The following DNA2 variants were observed in gnomAD, a reference collection of about 807,000 sequenced individuals.
DNA2 encodes the protein DNA replication helicase/nuclease 2.
Under a neutral mutation model 119.1 loss-of-function variants are expected in DNA2, and 101 were observed. The observed-to-expected ratio is 0.85, with a 90% CI of 0.72 to 1.00. DNA2 has a LOEUF of 1.00. Among genes scored for constraint, DNA2 ranks in the 50% least tolerant of loss-of-function variants. DNA2 has a pLI of 0.00. For missense variants in DNA2, 1,121 were observed against 1,255.5 expected, an observed-to-expected ratio of 0.89 and a Z score of 1.62; for synonymous variants, 366 against 424.4, an observed-to-expected ratio of 0.86 and a Z score of 1.69.
At chr10:68,446,189 T>A (rs1465103863) in intron 7 of DNA2, 107 bp downstream of exon 7, 8 of 624,754 alleles carry the variant, frequency 1.3e-5, no homozygotes, top group African/African-American at 3.7e-5. Context: ...CTACAAATTA[T>A]AACCTATTAA....
intron 8 of DNA2, among the ~76,000 whole-genome samples, chr10:68,443,978 A>G (rs2052003812): frequency 6.6e-6 from 1 of 151,798 alleles, no homozygotes; most frequent in South Asian, 2.1e-4. Flanking sequence ...GTATTTCGGC[A>G]TAGTGCAGTG....
rs1254869042 is a variant in DNA2, at chr10:68,446,406, A to G, written c.947T>C (p.Leu316Pro). The G allele has an allele frequency of 1.3e-6, 2 of 1,573,732 alleles. No homozygotes were observed. Among genetic ancestry groups the G allele is most frequent in the African/African-American group, 2.7e-5 (2 of 73,988 alleles). Reference protein sequence around the residue: ...NSIEHRSQVVLYTLLSQERRA... With the variant: ...NSIEHRSQVVPYTLLSQERRA... ...TCTCTCTTGGCTTAGTAGAGTGTAC[A>G]GAACAACCTGTGCAAACATTGACAT... Residue 316 changes from leucine (L) to proline (P), a missense_variant, in exon 7 of 21, where the codon CTG becomes CCG. Transcript: ENST00000358410.
chr10:68,437,488 T>A lies in DNA2; in HGVS notation c.1416-247A>T, dbSNP rs10998164. 8.7e-5 allele frequency among the ~76,000 whole-genome samples: 13 copies of A among 149,570 alleles called. No individual in the cohort carries two copies. The highest frequency in any genetic ancestry group is 6.0e-4 in the East Asian group (3 of 5,040). On this transcript the variant is annotated intron_variant, in intron 9 of 20. Coordinates refer to ENST00000358410, the MANE Select transcript of DNA2 (RefSeq NM_001080449.3). ...CCTATCTCTACTAAAAAAAAAAAAA[T>A]AAAAATAAAAAATTAGCCAGGTGTG...
intron 9 of DNA2, among the ~76,000 whole-genome samples, chr10:68,440,725 A>G (rs2051956988): frequency 6.6e-6 from 1 of 152,206 alleles, no homozygotes; most frequent in South Asian, 2.1e-4. Context: ...TCTATCCACA[A>G]TTACATAAAC....
intron 14 of DNA2, among the ~76,000 whole-genome samples, chr10:68,425,647 T>C (rs1173482232): frequency 6.6e-6 from 1 of 151,474 alleles, no homozygotes; most frequent in Non-Finnish European, 1.5e-5. Context: ...GTGATCCGCC[T>C]GCCTCGGCCT....
Position 68,468,230 on chromosome 10 carries a change from T to A in DNA2, c.334A>T (p.Lys112Ter). ...TACAGAATCAAATATCCAAAATCTT[T>A]ATCTATTATCCAAGTGTCAGATGTG... ...DCTSDTWIIDKDFGYLILYPD... is the reference protein window; with the variant it reads ...DCTSDTWIID Residue 112 changes from lysine to a stop codon, truncating the protein, a stop_gained, in exon 3 of 21, where the codon AAA becomes TAA. Coordinates refer to ENST00000358410, the MANE Select transcript of DNA2 (RefSeq NM_001080449.3). LOFTEE classifies it high-confidence loss of function. 1.2e-6 allele frequency: 2 copies of A among 1,612,554 alleles called. No individual in the cohort carries two copies. The highest frequency in any genetic ancestry group is 2.7e-5 in the African/African-American group (2 of 75,030).
At chr10:68,471,678 C>CG in intron 1 of DNA2, 113 bp downstream of exon 1, 1 of 1,338,286 alleles carries the variant, frequency 7.5e-7, no homozygotes, top group Non-Finnish European at 9.9e-7. Context: ...GGAGCTGCAC[C>CG]GGGTCCCTGG....
Position 68,422,744 on chromosome 10 carries a change from C to A in DNA2, c.2355G>T (p.Val785=), listed in dbSNP as rs762929606. Residue 785 remains valine (V), a synonymous_variant, in exon 15 of 21, where the codon GTG becomes GTT. Transcript: ENST00000358410. ...GGGGAGGAAGCTGCTGATGGTCCCC[C>A]ACTAACACAAATCTCCGTGAAAAAA... ...PLFFSRRFVL[V]GDHQQLPPLV... 5 of 1,612,016 alleles carry A rather than the reference C, an allele frequency of 3.1e-6. No individual in the cohort carries two copies. The highest frequency in any genetic ancestry group is 3.4e-6 in the Non-Finnish European group (4 of 1,179,474).
Position 68,422,760 on chromosome 10 carries a change from C to T in DNA2, c.2339G>A (p.Arg780Gln), listed in dbSNP as rs774303899. 44 of 1,605,406 alleles carry T rather than the reference C, an allele frequency of 2.7e-5. No individual in the cohort carries two copies. Among genetic ancestry groups the T allele is most frequent in the Middle Eastern group, 1.7e-4 (1 of 6,014 alleles). The change falls in exon 15 of 21, where the codon CGG becomes CAG. Residue 780 changes from arginine (R) to glutamine (Q), a missense_variant. Physicochemically the swap from Arg to Gln is conservative, Grantham distance 43. Coordinates refer to ENST00000358410, the MANE Select transcript of DNA2 (RefSeq NM_001080449.3). Reference sequence around the variant, plus strand: ...ATGGTCCCCCACTAACACAAATCTCCGTGAAAAAAAAAGGGGGCCCAGACA... The same window carrying T: ...ATGGTCCCCCACTAACACAAATCTCTGTGAAAAAAAAAGGGGGCCCAGACA... ...PICLGPLFFS[R>Q]RFVLVGDHQQ...
intron 4 of DNA2, among the ~76,000 whole-genome samples, chr10:68,463,125 CAA>C (rs1170203709): frequency 2.1e-5 from 3 of 143,814 alleles, no homozygotes; most frequent in Non-Finnish European, 4.5e-5. Context: ...GAGCCAGATT[CAA>C]AAAGAAAAAA....
upstream of DNA2, chr10:68,472,102 G>C: frequency 6.6e-7 from 1 of 1,522,160 alleles, no homozygotes; most frequent in Non-Finnish European, 8.8e-7. Context: ...GCTTAGGACT[G>C]GGAATACAGG....
chr10:68,416,389 C>G (rs1242235190), intron 20 of DNA2, among the ~76,000 whole-genome samples: 1 of 152,094 alleles, frequency 6.6e-6, no homozygotes, highest in Non-Finnish European at 1.5e-5. Context: ...TCACTTTAGC[C>G]TGGGAGATTG....
chr10:68,427,072 G>A (rs1395216196), intron 14 of DNA2, among the ~76,000 whole-genome samples: 2 of 151,436 alleles, frequency 1.3e-5, no homozygotes, highest in African/African-American at 2.4e-5. Flanking sequence ...ATAAGCACAT[G>A]AAAAACTCAT....
intron 4 of DNA2, among the ~76,000 whole-genome samples, chr10:68,460,032 C>CACACACACACAA (rs1447901999): frequency 2.9e-4 from 43 of 147,226 alleles, no homozygotes; most frequent in African/African-American, 1.1e-3. Context: ...ATCACAAATA[C>CACACACACACAA]ACACACACAC....
In DNA2 at chr10:68,437,052, C is replaced by T. The variant is rs767475841; in HGVS notation, c.1605G>A (p.Val535=). The stretch of plus-strand genomic sequence containing the variant: ...TTACTGTTGTCATGTTAATCTCCTT[C>T]ACATATCCTCTAGACAAAGCAAACA... ...RSLFALSRGY[V]KEINMTTVTC... is the part of the protein sequence containing the mutation. Residue 535 remains valine, a synonymous_variant, in exon 10 of 21, where the codon GTG becomes GTA. Coordinates refer to ENST00000358410, the MANE Select transcript of DNA2 (RefSeq NM_001080449.3). 5 of 1,613,302 alleles carry T rather than the reference C, an allele frequency of 3.1e-6. No individual in the cohort carries two copies. The highest frequency in any genetic ancestry group is 3.4e-6 in the Non-Finnish European group (4 of 1,179,752).
chr10:68,434,518 G>A (rs2051862656), intron 10 of DNA2, among the ~76,000 whole-genome samples: 1 of 151,946 alleles, frequency 6.6e-6, no homozygotes, highest in African/African-American at 2.4e-5. Context: ...CAGGTGTGGT[G>A]GCATGCACCT....
Position 68,465,932 on chromosome 10 carries a change from A to C in DNA2, c.442-120T>G, listed in dbSNP as rs2052321619. ...GCACTGGTAAGACAAATGCCAAAAT[A>C]TTAAAAAAATTTTTTTCTGGTGCGT... On this transcript the variant is annotated intron_variant, in intron 3 of 20. Transcript: ENST00000358410. The C allele has an allele frequency of 5.4e-6, 5 of 920,020 alleles. No individual in the cohort carries two copies. In the African/African-American group the frequency reaches 6.9e-5, roughly 13 times the overall value. The allele number at this position is 920,020 out of a possible 1,614,324, so 57.0% of individuals were successfully genotyped here.
intron 2 of DNA2, among the ~76,000 whole-genome samples, chr10:68,469,754 C>A (rs751993287): frequency 1.3e-5 from 2 of 152,060 alleles, no homozygotes; most frequent in Non-Finnish European, 2.9e-5. Context: ...TGTGAGCCAC[C>A]ATGCCTGGCC....
chr10:68,454,593 G>C (rs1379114756), intron 5 of DNA2, among the ~76,000 whole-genome samples: 1 of 152,002 alleles, frequency 6.6e-6, no homozygotes, highest in Non-Finnish European at 1.5e-5. Flanking sequence ...ATCACCTAAG[G>C]TCAGAAGTTT....
Sources: gnomAD v4.1 joint callset for allele counts (sites outside exome capture counted in the v4.1 genomes callset) on GRCh38, gnomAD v4.1.1 for gene constraint, MANE v1.5 for transcripts, NCBI Gene and HGNC (gene_info 2026-07-23, HGNC 2026-07-21) for gene names.